The following DACH1 variants were observed in gnomAD, a reference collection of about 807,000 sequenced individuals.
DACH1 encodes dachshund family transcription factor 1, also known as dachshund homolog 1.
A neutral mutation model predicts 54.2 loss-of-function variants in DACH1; 12 were observed. The observed-to-expected ratio is 0.22, with a 90% CI of 0.14 to 0.36. DACH1 has a LOEUF of 0.36. Ranked by LOEUF, DACH1 falls within the 10% of genes least tolerant of loss-of-function variation. The pLI, the probability that DACH1 is intolerant of heterozygous loss-of-function variation, is 1.00. For synonymous variants in DACH1, 386 were observed against 366.2 expected (o/e 1.05, Z -0.62); for missense variants, 805 against 929.8 (o/e 0.87, Z 1.75).
chr13:71,654,852 T>G (rs1479295061), intron 2 of DACH1, among the ~76,000 whole-genome samples: 1 of 152,106 alleles, frequency 6.6e-6, no homozygotes, highest in Non-Finnish European at 1.5e-5. Flanking sequence ...TGATAAAATG[T>G]TTATTTGGTA....
intron 1 of DACH1, 99 bp downstream of exon 1, chr13:71,865,823 C>A: frequency 7.5e-7 from 1 of 1,325,970 alleles, no homozygotes; most frequent in Non-Finnish European, 9.6e-7. Context: ...GCGCGGCTCG[C>A]GGGCGCGCAG....
At chr13:71,526,020 T>C (rs1881930396) in intron 6 of DACH1, among the ~76,000 whole-genome samples, 5 of 152,142 alleles carry the variant, frequency 3.3e-5, no homozygotes. Flanking sequence ...GTGGACAGAA[T>C]GTCAATGCTT....
chr13:71,858,326 G>C (rs1874134265), intron 1 of DACH1, among the ~76,000 whole-genome samples: 1 of 151,580 alleles, frequency 6.6e-6, no homozygotes, highest in African/African-American at 2.4e-5. Flanking sequence ...TTAACACTGT[G>C]ACTTTTTAAT....
chr13:71,529,311 T>C (rs2138301564), intron 6 of DACH1, among the ~76,000 whole-genome samples: 1 of 151,422 alleles, frequency 6.6e-6, no homozygotes, highest in South Asian at 2.1e-4. Context: ...CTCAGCCTCC[T>C]GAGTAGCTGG....
chr13:71,519,516 T>G (rs1566312509), intron 6 of DACH1, among the ~76,000 whole-genome samples: 1 of 151,598 alleles, frequency 6.6e-6, no homozygotes, highest in Non-Finnish European at 1.5e-5. Context: ...ATTCCCATTT[T>G]TCCCATTTAT....
At chr13:71,735,300 CG>C (rs1411479590) in intron 1 of DACH1, among the ~76,000 whole-genome samples, 2 of 39,194 alleles carry the variant, frequency 5.1e-5, no homozygotes, top group South Asian at 6.7e-4. Context: ...TACACGTATA[CG>C]GGATATACGT....
chr13:71,473,392 A>G (rs2138167613), intron 10 of DACH1, among the ~76,000 whole-genome samples: 1 of 152,322 alleles, frequency 6.6e-6, no homozygotes, highest in African/African-American at 2.4e-5. Context: ...CTGGATACTA[A>G]AAGGAAAGCA....
At chr13:71,675,761 CATAA>C (rs1880528588) in intron 2 of DACH1, among the ~76,000 whole-genome samples, 1 of 152,086 alleles carries the variant, frequency 6.6e-6, no homozygotes, top group Admixed American at 6.6e-5. Context: ...TTATAATAAT[CATAA>C]ATAAACCTGT....
intron 5 of DACH1, among the ~76,000 whole-genome samples, chr13:71,557,968 GA>G (rs760252937): frequency 0.017 from 2,380 of 137,962 alleles, 29 homozygotes; most frequent in East Asian, 0.04. Flanking sequence ...TTTGCAGCTA[GA>G]AAAAAAAAAA....
At chr13:71,660,882 A>G (rs562841485) in intron 2 of DACH1, among the ~76,000 whole-genome samples, 5 of 151,412 alleles carry the variant, frequency 3.3e-5, no homozygotes, top group South Asian at 2.1e-4. Context: ...CTTTTTAGTC[A>G]CTGACAAGTT....
intron 6 of DACH1, among the ~76,000 whole-genome samples, chr13:71,500,131 AC>A (rs755564583): frequency 1.3e-5 from 2 of 152,106 alleles, no homozygotes; most frequent in Non-Finnish European, 1.5e-5. Context: ...TCCCTTGATA[AC>A]TCTGCCCTTA....
In DACH1 at chr13:71,575,680, G is replaced by A. The variant is rs766356430; in HGVS notation, c.1127-2668C>T. Among the ~76,000 whole-genome samples the A allele has an allele frequency of 3.3e-4, 50 of 151,944 alleles. 1 individual carries two copies. The highest frequency in any genetic ancestry group is 8.3e-4 in the South Asian group (4 of 4,820). Reference sequence around the variant, plus strand: ...TGCGTCACAGATATCAGTCCCTTGTGCACAGGTAAATATCAAGCATTCATA... The same window carrying A: ...TGCGTCACAGATATCAGTCCCTTGTACACAGGTAAATATCAAGCATTCATA... On this transcript the variant is annotated intron_variant, in intron 3 of 10. Transcript: ENST00000613252.
chr13:71,531,232 T>A (rs946499372), intron 6 of DACH1, among the ~76,000 whole-genome samples: 2 of 152,128 alleles, frequency 1.3e-5, no homozygotes, highest in Non-Finnish European at 2.9e-5. Context: ...TTATTTGGAT[T>A]TTATGTCTTA....
At chr13:71,536,344 A>G (rs984498608) in intron 6 of DACH1, among the ~76,000 whole-genome samples, 12 of 152,100 alleles carry the variant, frequency 7.9e-5, no homozygotes, top group Non-Finnish European at 1.8e-4. Flanking sequence ...CTTTGGTTAA[A>G]GTGTTAGTCT....
intron 7 of DACH1, among the ~76,000 whole-genome samples, chr13:71,483,097 C>T (rs1054491668): frequency 1.3e-5 from 2 of 151,760 alleles, no homozygotes; most frequent in African/African-American, 2.4e-5. Flanking sequence ...ACATGGCGCC[C>T]GGCCCAACTG....
intron 3 of DACH1, among the ~76,000 whole-genome samples, chr13:71,592,891 C>T (rs1204154005): frequency 1.3e-5 from 2 of 152,126 alleles, no homozygotes; most frequent in Admixed American, 6.6e-5. Context: ...ATTCAGTAAA[C>T]TGGCATTCCA....
chr13:71,593,618 T>G (rs544094833), intron 3 of DACH1, among the ~76,000 whole-genome samples: 132 of 152,216 alleles, frequency 8.7e-4, no homozygotes, highest in Middle Eastern at 6.8e-3. Flanking sequence ...TTATCCATTT[T>G]AAAATTCAAG....
chr13:71,492,683 C>CTT (rs879568902), intron 6 of DACH1, among the ~76,000 whole-genome samples: 1 of 144,654 alleles, frequency 6.9e-6, no homozygotes, highest in South Asian at 2.2e-4. Context: ...CATTTTGTCA[C>CTT]TTTTTTTTTT....
chr13:71,540,553 T>C (rs1454024880), intron 6 of DACH1, among the ~76,000 whole-genome samples: 1 of 152,048 alleles, frequency 6.6e-6, no homozygotes. Context: ...TATATGTGGG[T>C]TATCACAGAA....
Sources: allele counts gnomAD v4.1 joint callset (sites outside exome capture counted in the v4.1 genomes callset), GRCh38; gene constraint gnomAD v4.1.1; transcripts MANE v1.5; gene names NCBI Gene and HGNC (gene_info 2026-07-23, HGNC 2026-07-21).